Variants in ERG observed in about 807,000 individuals in gnomAD.
ERG encodes ETS transcription factor ERG.
In ERG, 9 loss-of-function variants were observed where a neutral mutation model predicts 55.3. The observed-to-expected ratio is 0.16, with a 90% CI of 0.10 to 0.28. ERG has a LOEUF of 0.28. Among genes scored for constraint, ERG ranks in the 10% least tolerant of loss-of-function variants. The pLI is 1.00. For synonymous variants in ERG, 223 were observed against 237.3 expected (o/e 0.94, Z 0.55); for missense variants, 434 against 631.6 (o/e 0.69, Z 3.35).
At chr21:38,423,314 C>T in intron 3 of ERG, 96 bp downstream of exon 3, 2 of 1,319,996 alleles carry the variant, frequency 1.5e-6, no homozygotes, top group Non-Finnish European at 2.1e-6. Context: ...GAGATGTGAT[C>T]AATGCCACAG....
At chr21:38,551,890 T>C (rs893173956) in intron 2 of ERG, among the ~76,000 whole-genome samples, 2 of 152,234 alleles carry the variant, frequency 1.3e-5, no homozygotes, top group Non-Finnish European at 1.5e-5. Context: ...GTCTCAAATA[T>C]GTTAAGTTAG....
chr21:38,393,199 T>A (rs1427561412), intron 6 of ERG, among the ~76,000 whole-genome samples: 2 of 152,240 alleles, frequency 1.3e-5, no homozygotes, highest in African/African-American at 4.8e-5. Flanking sequence ...ATTTATAAAG[T>A]CGTATCACTT....
At chr21:38,575,972 T>C (rs192458565) in intron 1 of ERG, among the ~76,000 whole-genome samples, 12 of 152,370 alleles carry the variant, frequency 7.9e-5, no homozygotes, top group Admixed American at 7.2e-4. Flanking sequence ...AAGAGAACCC[T>C]AGTCCGACAG....
At chr21:38,489,029 G>A (rs999241025) in intron 1 of ERG, among the ~76,000 whole-genome samples, 2 of 152,194 alleles carry the variant, frequency 1.3e-5, no homozygotes, top group African/African-American at 2.4e-5. Context: ...CCACGCATTC[G>A]GAGAGAGGAA....
intron 2 of ERG, among the ~76,000 whole-genome samples, chr21:38,575,352 CT>C (rs775754640): frequency 1.3e-5 from 2 of 152,140 alleles, no homozygotes; most frequent in Non-Finnish European, 2.9e-5. Flanking sequence ...GCCATATGGT[CT>C]TTGTCGAACC....
intron 1 of ERG, among the ~76,000 whole-genome samples, chr21:38,656,785 C>CT (rs1353579385): frequency 6.6e-6 from 1 of 152,186 alleles, no homozygotes. Flanking sequence ...CATGTGGGAA[C>CT]TTTTGCTGAA....
chr21:38,633,143 G>C (rs949000826), intron 1 of ERG, among the ~76,000 whole-genome samples: 10 of 152,302 alleles, frequency 6.6e-5, no homozygotes, highest in African/African-American at 1.9e-4. Flanking sequence ...GATAAATATG[G>C]TATGATTCTA....
upstream of ERG, among the ~76,000 whole-genome samples, chr21:38,589,848 T>C (rs2146891879): frequency 6.6e-6 from 1 of 152,314 alleles, no homozygotes; most frequent in South Asian, 2.1e-4. Flanking sequence ...ATTTTCCTTG[T>C]TAACTAAACC....
intron 2 of ERG, among the ~76,000 whole-genome samples, chr21:38,574,390 C>T (rs1005443959): frequency 6.6e-6 from 1 of 152,192 alleles, no homozygotes; most frequent in Non-Finnish European, 1.5e-5. Flanking sequence ...ATTATAGTGT[C>T]CCCATAAGCA....
chr21:38,627,772 T>C (rs1424473574), intron 1 of ERG, among the ~76,000 whole-genome samples: 1 of 152,182 alleles, frequency 6.6e-6, no homozygotes, highest in African/African-American at 2.4e-5. Flanking sequence ...TTCTTATCTG[T>C]CTGACATCCT....
At chr21:38,494,049 C>A (rs2059360184) in intron 1 of ERG, among the ~76,000 whole-genome samples, 1 of 152,186 alleles carries the variant, frequency 6.6e-6, no homozygotes, top group South Asian at 2.1e-4. Context: ...CATTATGATC[C>A]CATTTTACAG....
chr21:38,447,035 G>T (rs2058898566), intron 1 of ERG, among the ~76,000 whole-genome samples: 1 of 151,976 alleles, frequency 6.6e-6, no homozygotes, highest in Admixed American at 6.6e-5. Flanking sequence ...CCTAGAAGCA[G>T]CCCTTCTGAG....
intron 1 of ERG, among the ~76,000 whole-genome samples, chr21:38,493,114 TA>T (rs1354424550): frequency 4.6e-5 from 7 of 152,166 alleles, no homozygotes; most frequent in African/African-American, 1.7e-4. Flanking sequence ...GGCAAAGACT[TA>T]AAAAATATAT....
intron 2 of ERG, among the ~76,000 whole-genome samples, chr21:38,433,016 G>A (rs1211799579): frequency 2.0e-5 from 3 of 152,208 alleles, no homozygotes; most frequent in East Asian, 1.9e-4. Flanking sequence ...AGCCACGAAG[G>A]AGCAAGGCAG....
intron 1 of ERG, among the ~76,000 whole-genome samples, chr21:38,578,227 G>A (rs902252483): frequency 5.9e-5 from 9 of 152,234 alleles, no homozygotes; most frequent in Admixed American, 5.9e-4. Context: ...TAATAAATGG[G>A]TTGTTGTACT....
intron 2 of ERG, among the ~76,000 whole-genome samples, chr21:38,554,063 C>A (rs779928122): frequency 6.6e-6 from 1 of 151,898 alleles, no homozygotes; most frequent in Non-Finnish European, 1.5e-5. Flanking sequence ...CATGTGTGAC[C>A]AACAAGCATA....
chr21:38,385,410 G>A (rs1987646380), intron 9 of ERG, among the ~76,000 whole-genome samples: 1 of 152,158 alleles, frequency 6.6e-6, no homozygotes, highest in Admixed American at 6.5e-5. Flanking sequence ...AACTTTAACT[G>A]ACATCTACTC....
intron 1 of ERG, among the ~76,000 whole-genome samples, chr21:38,635,595 A>G (rs2060383315): frequency 6.6e-6 from 1 of 152,230 alleles, no homozygotes; most frequent in African/African-American, 2.4e-5. Flanking sequence ...TAAACTTCTC[A>G]TTTCTAAAAT....
At chr21:38,611,024 C>T (rs2060223634) in intron 1 of ERG, among the ~76,000 whole-genome samples, 1 of 152,246 alleles carries the variant, frequency 6.6e-6, no homozygotes, top group African/African-American at 2.4e-5. Flanking sequence ...ACCAGCAGGA[C>T]TGGCAGAAGG....
Sources: allele counts gnomAD v4.1 joint callset (sites outside exome capture counted in the v4.1 genomes callset), GRCh38; gene constraint gnomAD v4.1.1; transcripts MANE v1.5; gene names NCBI Gene and HGNC (gene_info 2026-07-23, HGNC 2026-07-21).